The following KIF26B variants were observed in gnomAD, a reference collection of about 807,000 sequenced individuals.
KIF26B encodes the protein kinesin-like protein KIF26B.
KIF26B carries 63 observed loss-of-function variants against 151.2 expected under a neutral mutation model. The observed-to-expected ratio is 0.42, with a 90% CI of 0.34 to 0.51. The LOEUF (loss-of-function observed/expected upper bound fraction) is 0.51, where lower values mean the gene tolerates loss of function less well. Ranked by LOEUF, KIF26B falls within the 20% of genes least tolerant of loss-of-function variation. The probability of loss-of-function intolerance (pLI) is 0.07; values close to 1 mark genes in which losing one functional copy is unlikely to be tolerated. For missense variants in KIF26B, 2,813 were observed against 2,913.6 expected, an observed-to-expected ratio of 0.97 and a Z score of 0.79; for synonymous variants, 1,357 against 1,262.1, an observed-to-expected ratio of 1.08 and a Z score of -1.59.
In KIF26B at chr1:245,667,584, C is replaced by T. The variant is rs1439400589; in HGVS notation, c.2259-16649C>T. 6.6e-6 allele frequency among the ~76,000 whole-genome samples: 1 copy of T among 152,160 alleles called. No individual in the cohort carries two copies. The highest frequency in any genetic ancestry group is 1.5e-5 in the Non-Finnish European group (1 of 68,030). ...GGAGACTTCTTGTGATGGAGAGGTA[C>T]ACCCAGTAGATACTTATTTAAATAC... On this transcript the variant is annotated intron_variant, in intron 10 of 14. Coordinates refer to ENST00000407071, the MANE Select transcript of KIF26B (RefSeq NM_018012.4). The surrounding 1 kb of genome is among the most constrained non-coding windows in gnomAD (Gnocchi z 4.3).
At chr1:245,234,766 G>A (rs750442837) in intron 2 of KIF26B, among the ~76,000 whole-genome samples, 1 of 152,206 alleles carries the variant, frequency 6.6e-6, no homozygotes, top group African/African-American at 2.4e-5. Context: ...TTTGACTTGC[G>A]TGAGCTCAGC....
intron 12 of KIF26B, among the ~76,000 whole-genome samples, chr1:245,689,723 A>G (rs2044598221): frequency 6.6e-6 from 1 of 152,070 alleles, no homozygotes; most frequent in Non-Finnish European, 1.5e-5. Flanking sequence ...GTGCCTGGCT[A>G]ATTTTTCTAT....
intron 2 of KIF26B, among the ~76,000 whole-genome samples, chr1:245,213,970 C>G (rs918534949): frequency 1.3e-5 from 2 of 152,154 alleles, no homozygotes; most frequent in African/African-American, 2.4e-5. Context: ...CAAAAGGGAC[C>G]AGCCGCTGAG....
intron 2 of KIF26B, among the ~76,000 whole-genome samples, chr1:245,268,059 C>T (rs1573743030): frequency 6.6e-6 from 1 of 152,108 alleles, no homozygotes; most frequent in Non-Finnish European, 1.5e-5. Flanking sequence ...ATAATCCTAG[C>T]ACTTCGGGAC....
intron 4 of KIF26B, among the ~76,000 whole-genome samples, chr1:245,431,303 T>C (rs576712537): frequency 1.3e-4 from 18 of 140,060 alleles, no homozygotes; most frequent in Non-Finnish European, 2.3e-4. Flanking sequence ...CTCAGCCTCC[T>C]GAGTAGCTAG....
At chr1:245,184,054 T>TTTGTTTTTTG (rs1302638676) in intron 2 of KIF26B, among the ~76,000 whole-genome samples, 8 of 113,200 alleles carry the variant, frequency 7.1e-5, no homozygotes, top group African/African-American at 2.5e-4. Flanking sequence ...GTTGTTGTTT[T>TTTGTTTTTTG]TTTTTTTTTT....
intron 10 of KIF26B, among the ~76,000 whole-genome samples, chr1:245,649,740 CTG>C (rs1444290120): frequency 1.3e-5 from 2 of 151,872 alleles, no homozygotes; most frequent in Admixed American, 6.6e-5. Flanking sequence ...CCAGACAACT[CTG>C]TACTTGGAAC....
chr1:245,201,122 T>C (rs2103538074), intron 2 of KIF26B, among the ~76,000 whole-genome samples: 2 of 152,182 alleles, frequency 1.3e-5, no homozygotes, highest in Middle Eastern at 6.8e-3. Context: ...AGAATTAGAG[T>C]TGAGCCTCAG....
chr1:245,605,038 A>G (rs2043436104), intron 6 of KIF26B, among the ~76,000 whole-genome samples: 2 of 152,086 alleles, frequency 1.3e-5, no homozygotes, highest in African/African-American at 2.4e-5. Context: ...ATGGTGGTGT[A>G]TCTTTGACCT....
intron 3 of KIF26B, among the ~76,000 whole-genome samples, chr1:245,369,331 C>T (rs1409061478): frequency 6.6e-6 from 1 of 152,130 alleles, no homozygotes; most frequent in Non-Finnish European, 1.5e-5. Context: ...TTTGTTACGC[C>T]GGACAAGATA....
chr1:245,350,368 T>C (rs1672541689), intron 2 of KIF26B, among the ~76,000 whole-genome samples: 1 of 152,188 alleles, frequency 6.6e-6, no homozygotes, highest in Admixed American at 6.5e-5. Context: ...CAGGTCCTTA[T>C]GTAGCTCCAC....
Position 245,239,287 on chromosome 1 carries a change from G to A in KIF26B, c.465+82604G>A, listed in dbSNP as rs1321660185. 6.6e-6 allele frequency among the ~76,000 whole-genome samples: 1 copy of A among 152,156 alleles called. No individual in the cohort carries two copies. Among genetic ancestry groups the A allele is most frequent in the East Asian group, 1.9e-4 (1 of 5,196 alleles). ...TGATGATGTTGCACAAGGCGAAGAAGCAGATATTGACATGAGGCCAATAAA... is the reference window on the plus strand; with the variant it reads ...TGATGATGTTGCACAAGGCGAAGAAACAGATATTGACATGAGGCCAATAAA... On this transcript the variant is annotated intron_variant, in intron 2 of 14. Transcript: ENST00000407071. The surrounding 1 kb of genome is among the most constrained non-coding windows in gnomAD (Gnocchi z 4.3).
At chr1:245,585,430 G>A (rs990196965) in intron 5 of KIF26B, among the ~76,000 whole-genome samples, 4 of 152,122 alleles carry the variant, frequency 2.6e-5, no homozygotes, top group African/African-American at 7.2e-5. Context: ...CTTGGAGTAT[G>A]AGTCAGAGGC....
chr1:245,618,081 G>A (rs2043612463), intron 9 of KIF26B, among the ~76,000 whole-genome samples: 1 of 152,128 alleles, frequency 6.6e-6, no homozygotes, highest in Admixed American at 6.5e-5. Context: ...AGGCAGGGAG[G>A]GAGGGAAAAG....
chr1:245,501,229 C>T (rs145691371), intron 4 of KIF26B, among the ~76,000 whole-genome samples: 1,619 of 152,298 alleles, frequency 0.011, 18 homozygotes, highest in Admixed American at 0.018. Context: ...TTGCCACTTA[C>T]GAGCTATGTG....
chr1:245,391,349 G>T (rs992801799), intron 3 of KIF26B, among the ~76,000 whole-genome samples: 2 of 152,124 alleles, frequency 1.3e-5, no homozygotes, highest in African/African-American at 4.8e-5. Context: ...TAAGAACAGT[G>T]TACACAGTTA....
At chr1:245,215,121 A>G (rs1669618198) in intron 2 of KIF26B, among the ~76,000 whole-genome samples, 2 of 152,038 alleles carry the variant, frequency 1.3e-5, no homozygotes, top group Admixed American at 6.6e-5. Context: ...CCCTTCCCAG[A>G]CTAAAGCTCT....
At chr1:245,289,754 T>C (rs190167720) in intron 2 of KIF26B, among the ~76,000 whole-genome samples, 1 of 152,280 alleles carries the variant, frequency 6.6e-6, no homozygotes, top group Admixed American at 6.5e-5. Flanking sequence ...GTTTTCTCAG[T>C]TCATTCAAAA....
intron 4 of KIF26B, among the ~76,000 whole-genome samples, chr1:245,471,246 T>C (rs1659907315): frequency 6.6e-6 from 1 of 152,030 alleles, no homozygotes; most frequent in African/African-American, 2.4e-5. Context: ...TTCTCCTGCC[T>C]TGGCCTCCCG....
Sources: gnomAD v4.1 joint callset for allele counts (sites outside exome capture counted in the v4.1 genomes callset) on GRCh38, gnomAD v4.1.1 for gene constraint, Gnocchi (gnomAD v3.1) non-coding constraint, MANE v1.5 for transcripts, NCBI Gene and HGNC (gene_info 2026-07-23, HGNC 2026-07-21) for gene names.